The following DCC variants were observed in gnomAD, a reference collection of about 807,000 sequenced individuals.
DCC encodes the protein DCC netrin 1 receptor, also known as netrin receptor DCC.
A neutral mutation model predicts 172.5 loss-of-function variants in DCC; 58 were observed. The ratio of observed to expected loss-of-function variants is 0.34; its 90% confidence interval spans 0.27 to 0.42. The LOEUF is 0.42. Among genes scored for constraint, DCC ranks in the 10% least tolerant of loss-of-function variants. The pLI, the probability that DCC is intolerant of heterozygous loss-of-function variation, is 1.00. For synonymous variants in DCC, 709 were observed against 644.5 expected (o/e 1.10, Z -1.52); for missense variants, 1,740 against 1,791.0 (o/e 0.97, Z 0.51).
At position 52,425,312 on chromosome 18, in the gene DCC, T is replaced by A. The variant is rs117486792; in HGVS notation, c.91+84434T>A. The stretch of plus-strand genomic sequence containing the variant: ...CCCTCTTCTCTTTCTGCTTCTGTCA[T>A]CCTCAGATAGATCCCTGAGTGTCAC... On this transcript the variant is annotated intron_variant, in intron 1 of 28. Transcript: ENST00000442544. 1.8e-3 allele frequency among the ~76,000 whole-genome samples: 281 copies of A among 152,266 alleles called. 6 individuals are homozygous for A. In the East Asian group the frequency reaches 0.044, roughly 24 times the overall value.
At chr18:52,743,486 T>C (rs1356482856) in intron 1 of DCC, among the ~76,000 whole-genome samples, 32 of 152,202 alleles carry the variant, frequency 2.1e-4, no homozygotes, top group Admixed American at 2.1e-3. Context: ...ACAATTTTCC[T>C]GGTATCACAC....
intron 1 of DCC, among the ~76,000 whole-genome samples, chr18:52,644,295 G>C (rs71367288): frequency 6.6e-6 from 1 of 152,156 alleles, no homozygotes; most frequent in Admixed American, 6.5e-5. Context: ...TTAGTGTGTA[G>C]AGGCTGGGTG....
Position 52,661,980 on chromosome 18 carries a change from G to A in DCC, c.92-90074G>A, listed in dbSNP as rs930633086. Among the ~76,000 whole-genome samples the A allele has an allele frequency of 5.3e-5, 8 of 152,316 alleles. 1 individual carries two copies. In the South Asian group the frequency reaches 1.4e-3, roughly 28 times the overall value. On this transcript the variant is annotated intron_variant, in intron 1 of 28. Coordinates refer to ENST00000442544, the MANE Select transcript of DCC (RefSeq NM_005215.4). Reference sequence around the variant, plus strand: ...CCTGATAGAAGGAATAAAAAACACAGTAGAATGATTGGAAGATAACATTGA... The same window carrying A: ...CCTGATAGAAGGAATAAAAAACACAATAGAATGATTGGAAGATAACATTGA...
At chr18:52,867,296 G>A (rs369829329) in intron 2 of DCC, among the ~76,000 whole-genome samples, 2 of 152,132 alleles carry the variant, frequency 1.3e-5, no homozygotes, top group East Asian at 1.9e-4. Context: ...TTTTATTGAG[G>A]ATTTTCATAC....
chr18:53,499,512 T>C lies in DCC; in HGVS notation c.4111+2T>C. On this transcript the variant is annotated splice_donor_variant, in intron 27 of 28. Transcript: ENST00000442544. LOFTEE classifies it high-confidence loss of function. The stretch of plus-strand genomic sequence containing the variant: ...ACACACCACTTTTGTCTCAGCCAGG[T>C]AAAGTACTCGGTTGTTCACCTTTAA... 2 of 1,610,834 alleles carry C rather than the reference T, an allele frequency of 1.2e-6. No individual in the cohort carries two copies. The highest frequency in any genetic ancestry group is 1.7e-6 in the Non-Finnish European group (2 of 1,176,988).
chr18:52,931,075 T>C (rs2145502317), intron 5 of DCC, among the ~76,000 whole-genome samples: 1 of 152,150 alleles, frequency 6.6e-6, no homozygotes, highest in African/African-American at 2.4e-5. Flanking sequence ...CTCATGGACT[T>C]TATATCATTT....
intron 1 of DCC, among the ~76,000 whole-genome samples, chr18:52,694,949 T>C (rs1188080788): frequency 6.6e-6 from 1 of 152,184 alleles, no homozygotes; most frequent in African/African-American, 2.4e-5. Context: ...TAAAGGATGC[T>C]CTTTTGTACA....
At chr18:52,913,666 G>A (rs191215481) in intron 3 of DCC, among the ~76,000 whole-genome samples, 44 of 152,164 alleles carry the variant, frequency 2.9e-4, no homozygotes, top group Non-Finnish European at 5.1e-4. Flanking sequence ...TCTTGGAAAG[G>A]AGAGAACCTG....
intron 1 of DCC, among the ~76,000 whole-genome samples, chr18:52,357,684 G>C (rs539180864): frequency 2.0e-5 from 3 of 152,156 alleles, no homozygotes; most frequent in Non-Finnish European, 4.4e-5. Flanking sequence ...GGGAGGGGAG[G>C]AAGTTAACTA....
intron 1 of DCC, among the ~76,000 whole-genome samples, chr18:52,508,565 G>A (rs2031319528): frequency 6.6e-6 from 1 of 152,172 alleles, no homozygotes; most frequent in African/African-American, 2.4e-5. Context: ...TCAATTGATT[G>A]GGGCTGTAAA....
chr18:53,075,752 A>G (rs1156821654), intron 7 of DCC, among the ~76,000 whole-genome samples: 1 of 152,218 alleles, frequency 6.6e-6, no homozygotes, highest in African/African-American at 2.4e-5. Context: ...GCTTATATGT[A>G]TACACAGAAA....
At chr18:52,409,675 G>A (rs1431160505) in intron 1 of DCC, among the ~76,000 whole-genome samples, 1 of 152,100 alleles carries the variant, frequency 6.6e-6, no homozygotes, top group African/African-American at 2.4e-5. Context: ...TCAGTTTTTT[G>A]ACTAACAGTT....
At chr18:53,078,693 G>T (rs983962128) in intron 7 of DCC, among the ~76,000 whole-genome samples, 1 of 152,122 alleles carries the variant, frequency 6.6e-6, no homozygotes, top group Non-Finnish European at 1.5e-5. Flanking sequence ...AGCCTAAATA[G>T]TATAGGCAAT....
chr18:52,613,485 G>C (rs2034315153), intron 1 of DCC, among the ~76,000 whole-genome samples: 1 of 152,090 alleles, frequency 6.6e-6, no homozygotes, highest in African/African-American at 2.4e-5. Context: ...TTGATCTCCT[G>C]ACCTTGTGAT....
At chr18:52,959,803 G>C (rs561554275) in intron 5 of DCC, among the ~76,000 whole-genome samples, 2 of 152,044 alleles carry the variant, frequency 1.3e-5, no homozygotes, top group Admixed American at 1.3e-4. Flanking sequence ...TACAAAATAA[G>C]TCAATATACT....
At chr18:53,415,528 T>G (rs1184034103) in intron 20 of DCC, among the ~76,000 whole-genome samples, 1 of 152,172 alleles carries the variant, frequency 6.6e-6, no homozygotes, top group East Asian at 1.9e-4. Context: ...ATTTAGCAAT[T>G]TAATTTTTAT....
chr18:52,802,941 A>C (rs1205912795), intron 2 of DCC, among the ~76,000 whole-genome samples: 2 of 152,126 alleles, frequency 1.3e-5, no homozygotes, highest in East Asian at 1.9e-4. Context: ...CAGAGTAAAG[A>C]AAATGTTATA....
intron 13 of DCC, among the ~76,000 whole-genome samples, chr18:53,309,324 A>G (rs2057237760): frequency 6.6e-6 from 1 of 152,080 alleles, no homozygotes; most frequent in Non-Finnish European, 1.5e-5. Flanking sequence ...TAGGCATAAG[A>G]CACTGTGCCT....
At chr18:53,140,531 A>G (rs982936628) in intron 7 of DCC, among the ~76,000 whole-genome samples, 5 of 152,174 alleles carry the variant, frequency 3.3e-5, no homozygotes, top group African/African-American at 1.2e-4. Flanking sequence ...GTTAGTAGAA[A>G]GGATTCGGTA....
Sources: allele counts gnomAD v4.1 joint callset (sites outside exome capture counted in the v4.1 genomes callset), GRCh38; gene constraint gnomAD v4.1.1; transcripts MANE v1.5; gene names NCBI Gene and HGNC (gene_info 2026-07-23, HGNC 2026-07-21).